Variants in ATG7 observed in about 807,000 individuals in gnomAD.
ATG7 encodes the protein autophagy related 7.
In ATG7, 70 loss-of-function variants were observed where a neutral mutation model predicts 82.4. The ratio of observed to expected loss-of-function variants is 0.85; its 90% CI spans 0.70 to 1.04. The LOEUF (loss-of-function observed/expected upper bound fraction) is 1.04, where lower values mean the gene tolerates loss of function less well. Among genes scored for constraint, ATG7 ranks in the 50% least tolerant of loss-of-function variants. ATG7 has a pLI of 0.00. For missense variants in ATG7, 792 were observed against 864.3 expected, an observed-to-expected ratio of 0.92 and a Z score of 1.05; for synonymous variants, 287 against 313.0, an observed-to-expected ratio of 0.92 and a Z score of 0.88.
chr3:11,462,513 T>C (rs1199168076), intron 20 of ATG7, among the ~76,000 whole-genome samples: 1 of 152,014 alleles, frequency 6.6e-6, no homozygotes, highest in East Asian at 1.9e-4. Flanking sequence ...CGTGAACACT[T>C]TAGGGTTGGC....
Position 11,554,831 on chromosome 3 carries a change from TGAG to T in ATG7, c.2101_2103del (p.Glu701del), listed in dbSNP as rs764406699. ...TGCAGATCTGGGACATGAGCGATGA[TGAG>T]ACCATCTGAGATGGCCCCGCTGTGG... is the stretch of plus-strand genomic sequence containing the variant. On this transcript the variant is annotated inframe_deletion, in exon 21 of 21. Coordinates refer to ENST00000693202, the MANE Select transcript of ATG7 (RefSeq NM_001349232.2). 2.2e-5 allele frequency: 36 copies of T among 1,612,968 alleles called. No homozygotes were observed. The highest frequency in any genetic ancestry group is 2.8e-5 in the Non-Finnish European group (33 of 1,179,718).
intron 20 of ATG7, among the ~76,000 whole-genome samples, chr3:11,540,327 A>G (rs1254036572): frequency 6.6e-6 from 1 of 152,144 alleles, no homozygotes. Context: ...GATGGGGAAC[A>G]TCTTTTCATG....
chr3:11,306,813 A>C, intron 5 of ATG7, 130 bp from the exon 6 acceptor site: 1 of 713,980 alleles, frequency 1.4e-6, no homozygotes, highest in Non-Finnish European at 2.4e-6. Flanking sequence ...TTTCCAAGAA[A>C]ACATACAGTT....
intron 20 of ATG7, among the ~76,000 whole-genome samples, chr3:11,541,754 A>G (rs6803125): frequency 0.15 from 23,136 of 152,144 alleles, 1,971 homozygotes; most frequent in Middle Eastern, 0.22. Context: ...AAGCCCTTTG[A>G]GGTAGAGAAC....
chr3:11,486,564 C>T (rs2089676486), intron 20 of ATG7, among the ~76,000 whole-genome samples: 1 of 150,890 alleles, frequency 6.6e-6, no homozygotes, highest in Non-Finnish European at 1.5e-5. Context: ...GCCAGAACTT[C>T]CAACACTATG....
At chr3:11,311,641 C>T (rs1247359164) in intron 7 of ATG7, among the ~76,000 whole-genome samples, 2 of 150,584 alleles carry the variant, frequency 1.3e-5, no homozygotes, top group Non-Finnish European at 3.0e-5. Flanking sequence ...GTTTCTTCAT[C>T]TTGAATTGTT....
intron 1 of ATG7, 64 bp from the exon 2 acceptor site, chr3:11,280,930 T>G (rs1323246833): frequency 6.6e-6 from 1 of 152,204 alleles, no homozygotes; most frequent in Non-Finnish European, 1.5e-5. Context: ...ATTAATTAAT[T>G]CAGTAACCAA....
At chr3:11,508,738 A>G (rs547239040) in intron 20 of ATG7, among the ~76,000 whole-genome samples, 41 of 152,336 alleles carry the variant, frequency 2.7e-4, no homozygotes, top group African/African-American at 9.1e-4. Context: ...GGTGTCAGCT[A>G]CCATGCACAG....
In ATG7 at chr3:11,557,484, C is replaced by G. The variant is rs1043437185; in HGVS notation, c.*2641C>G. On this transcript the variant is annotated 3_prime_UTR_variant, in exon 21 of 21. Transcript: ENST00000693202. ...AAAATAAATGATGTCAGCCTGCAGC[C>G]AAACTCCAGCATCCCACACCGCAGC... 6.6e-6 allele frequency: 1 copy of G among 152,538 alleles called. No homozygotes were observed. The highest frequency in any genetic ancestry group is 1.5e-5 in the Non-Finnish European group (1 of 68,030). 9.4% of individuals were successfully genotyped at this position (152,538 alleles called of 1,614,324 possible).
intron 20 of ATG7, among the ~76,000 whole-genome samples, chr3:11,499,766 AAC>A (rs1483575345): frequency 6.6e-6 from 1 of 151,688 alleles, no homozygotes; most frequent in Admixed American, 6.6e-5. Flanking sequence ...AAAAAAAAGA[AAC>A]AAAAAATCTA....
At chr3:11,516,715 G>T (rs1040716745) in intron 20 of ATG7, among the ~76,000 whole-genome samples, 1 of 152,152 alleles carries the variant, frequency 6.6e-6, no homozygotes, top group Non-Finnish European at 1.5e-5. Flanking sequence ...GGTCCATCCA[G>T]ACAATGAAAT....
At chr3:11,345,171 C>T (rs112559922) in intron 13 of ATG7, among the ~76,000 whole-genome samples, 8 of 151,884 alleles carry the variant, frequency 5.3e-5, no homozygotes, top group African/African-American at 1.9e-4. Context: ...TTTGGGAGGC[C>T]GAGGCGGGCG....
intron 20 of ATG7, among the ~76,000 whole-genome samples, chr3:11,501,186 T>C (rs892853016): frequency 1.3e-5 from 2 of 152,182 alleles, no homozygotes; most frequent in Admixed American, 1.3e-4. Flanking sequence ...CCTGGGAAGT[T>C]GAGGCTGCAG....
chr3:11,294,201 G>A (rs1358261688), intron 3 of ATG7, among the ~76,000 whole-genome samples: 1 of 151,982 alleles, frequency 6.6e-6, no homozygotes, highest in Non-Finnish European at 1.5e-5. Context: ...TTCTACACGT[G>A]TGCCTCAAAT....
intron 20 of ATG7, among the ~76,000 whole-genome samples, chr3:11,552,381 T>C (rs975429660): frequency 6.6e-6 from 1 of 152,198 alleles, no homozygotes; most frequent in Non-Finnish European, 1.5e-5. Context: ...TGTGCCAGTT[T>C]ACTATGATCT....
chr3:11,324,942 G>A (rs1950655834), intron 9 of ATG7, among the ~76,000 whole-genome samples: 2 of 152,098 alleles, frequency 1.3e-5, no homozygotes, highest in African/African-American at 4.8e-5. Flanking sequence ...GTCAACAATG[G>A]ACCACATATA....
intron 20 of ATG7, among the ~76,000 whole-genome samples, chr3:11,451,591 C>T (rs2085137754): frequency 6.6e-6 from 1 of 152,108 alleles, no homozygotes; most frequent in Non-Finnish European, 1.5e-5. Context: ...TATAAAGGGC[C>T]TCTGCCAGCT....
intron 18 of ATG7, among the ~76,000 whole-genome samples, chr3:11,376,204 A>C (rs768302613): frequency 9.9e-5 from 15 of 152,180 alleles, no homozygotes; most frequent in Non-Finnish European, 1.8e-4. Context: ...AATGAGGACT[A>C]ATTGCTGGGT....
At chr3:11,475,361 A>G (rs1338627184) in intron 20 of ATG7, among the ~76,000 whole-genome samples, 1 of 152,192 alleles carries the variant, frequency 6.6e-6, no homozygotes, top group Non-Finnish European at 1.5e-5. Flanking sequence ...TGAGGTGGAC[A>G]GAGCCTAGGT....
Sources: gnomAD v4.1 joint callset for allele counts (sites outside exome capture counted in the v4.1 genomes callset) on GRCh38, gnomAD v4.1.1 for gene constraint, MANE v1.5 for transcripts, NCBI Gene and HGNC (gene_info 2026-07-23, HGNC 2026-07-21) for gene names.